The following PTK2 variants were observed in gnomAD, a reference collection of about 807,000 sequenced individuals.
The protein encoded by PTK2 is protein tyrosine kinase 2, also known as focal adhesion kinase 1.
A neutral mutation model predicts 150.1 loss-of-function variants in PTK2; 45 were observed. The observed-to-expected ratio is 0.30, with a 90% CI of 0.24 to 0.38. The LOEUF (loss-of-function observed/expected upper bound fraction) is 0.38, where lower values mean the gene tolerates loss of function less well. PTK2 is among the 10% of genes least tolerant of loss of function. PTK2 has a pLI of 1.00. For synonymous variants in PTK2, 432 were observed against 449.2 expected (o/e 0.96, Z 0.48); for missense variants, 919 against 1,307.3 (o/e 0.70, Z 4.58).
At chr8:140,727,672 T>C (rs973063714) in intron 22 of PTK2, among the ~76,000 whole-genome samples, 1 of 152,060 alleles carries the variant, frequency 6.6e-6, no homozygotes, top group Non-Finnish European at 1.5e-5. Flanking sequence ...AAGGGAAGAA[T>C]CCAAAACAGG....
intron 23 of PTK2, among the ~76,000 whole-genome samples, chr8:140,707,446 G>A (rs552221998): frequency 5.3e-4 from 80 of 152,312 alleles, no homozygotes; most frequent in African/African-American, 1.8e-3. Flanking sequence ...TGAGACTGCC[G>A]TATAGGCTGG....
chr8:140,888,406 A>T (rs898338086), intron 3 of PTK2, among the ~76,000 whole-genome samples: 1 of 152,202 alleles, frequency 6.6e-6, no homozygotes, highest in Non-Finnish European at 1.5e-5. Flanking sequence ...GGAAAGGGCT[A>T]TGGTGAATTC....
intron 17 of PTK2, among the ~76,000 whole-genome samples, chr8:140,749,516 C>T (rs2100061477): frequency 6.6e-6 from 1 of 152,140 alleles, no homozygotes; most frequent in South Asian, 2.1e-4. Flanking sequence ...TTGTTATTTA[C>T]CCATCTGGGG....
chr8:140,803,736 G>A (rs1245247283), intron 10 of PTK2, 86 bp from the exon 11 acceptor site: 2 of 1,238,806 alleles, frequency 1.6e-6, no homozygotes, highest in Non-Finnish European at 2.3e-6. Flanking sequence ...AATCCTCGTT[G>A]TCCTGAAGAC....
At chr8:140,744,001 T>G (rs2100057243) in intron 19 of PTK2, among the ~76,000 whole-genome samples, 1 of 151,714 alleles carries the variant, frequency 6.6e-6, no homozygotes, top group Admixed American at 6.6e-5. Flanking sequence ...ATGTTCTCGA[T>G]CTCCTGATCT....
At chr8:140,675,322 TA>T in intron 28 of PTK2, 137 bp downstream of exon 31, 1 of 889,688 alleles carries the variant, frequency 1.1e-6, no homozygotes, top group Non-Finnish European at 1.8e-6. Flanking sequence ...CTGAATGTGG[TA>T]AACATCGTAC....
chr8:140,759,011 C>T (rs2100067574), intron 16 of PTK2, among the ~76,000 whole-genome samples: 1 of 152,212 alleles, frequency 6.6e-6, no homozygotes, highest in South Asian at 2.1e-4. Context: ...AGCCTAGGAG[C>T]AACAGGCTAT....
chr8:140,754,174 G>A lies in PTK2; in HGVS notation c.1333-1858C>T, dbSNP rs573602486. On this transcript the variant is annotated intron_variant, in intron 16 of 31. Transcript: ENST00000522684. ...TCACCTCCAGAGGAGGCATGCCCAT[G>A]TGCCAGATGCCTCAAGGAAGGGGTT... Among the ~76,000 whole-genome samples the A allele has an allele frequency of 1.3e-4, 20 of 152,314 alleles. No homozygotes were observed. The East Asian group carries it at 3.7e-3, about 28-fold the overall frequency.
intron 5 of PTK2, among the ~76,000 whole-genome samples, chr8:140,849,495 A>T (rs2100127810): frequency 6.6e-6 from 1 of 152,246 alleles, no homozygotes; most frequent in African/African-American, 2.4e-5. Flanking sequence ...GTGAAACCAA[A>T]CTGATCAAGC....
intron 22 of PTK2, among the ~76,000 whole-genome samples, chr8:140,728,156 C>T (rs570085378): frequency 9.4e-5 from 14 of 149,656 alleles, no homozygotes; most frequent in Non-Finnish European, 1.6e-4. Flanking sequence ...CAGAAGACTG[C>T]GCCACAGCAC....
chr8:140,881,247 G>C (rs2100148886), intron 3 of PTK2, among the ~76,000 whole-genome samples: 1 of 152,206 alleles, frequency 6.6e-6, no homozygotes, highest in East Asian at 1.9e-4. Flanking sequence ...AGGGTGAAAA[G>C]AGTCCACGTT....
At chr8:140,879,698 A>AC (rs2100147959) in intron 3 of PTK2, 61 bp from the exon 4 acceptor site, 7 of 1,233,862 alleles carry the variant, frequency 5.7e-6, no homozygotes, top group Non-Finnish European at 5.3e-6. Flanking sequence ...AAAAAAAAAA[A>AC]AAACCAAAAC....
chr8:140,693,422 T>C (rs903444174), intron 26 of PTK2, among the ~76,000 whole-genome samples: 1 of 151,514 alleles, frequency 6.6e-6, no homozygotes, highest in Non-Finnish European at 1.5e-5. Context: ...CCAGGCTTGG[T>C]AGCATATGCC....
intron 1 of PTK2, among the ~76,000 whole-genome samples, chr8:140,958,904 AT>A (rs2100182131): frequency 6.6e-6 from 1 of 152,142 alleles, no homozygotes; most frequent in South Asian, 2.1e-4. Flanking sequence ...ACTTGAAATT[AT>A]TTTTTATTGT....
intron 1 of PTK2, chr8:140,940,667 A>T (rs1035980880): frequency 1.3e-5 from 2 of 152,184 alleles, no homozygotes; most frequent in African/African-American, 4.8e-5. Context: ...GTAGGCTTAA[A>T]ATAAAATTGT....
At chr8:140,683,745 A>G (rs1225879159) in intron 27 of PTK2, among the ~76,000 whole-genome samples, 3 of 148,738 alleles carry the variant, frequency 2.0e-5, no homozygotes, top group Non-Finnish European at 4.4e-5. Context: ...CAGAACTAAA[A>G]AAAACTACAG....
At chr8:140,826,310 C>T (rs766961215) in intron 8 of PTK2, among the ~76,000 whole-genome samples, 1 of 152,094 alleles carries the variant, frequency 6.6e-6, no homozygotes, top group Non-Finnish European at 1.5e-5. Context: ...AGTTGTTACC[C>T]CCATGAGCAT....
At chr8:140,829,586 C>T (rs2100114066) in intron 8 of PTK2, among the ~76,000 whole-genome samples, 1 of 152,086 alleles carries the variant, frequency 6.6e-6, no homozygotes, top group Non-Finnish European at 1.5e-5. Context: ...CCAAAGTTAG[C>T]TACATTTTCT....
chr8:140,744,806 G>T, intron 18 of PTK2, 39 bp from the exon 22 acceptor site: 1 of 869,052 alleles, frequency 1.2e-6, no homozygotes. Flanking sequence ...AAAAAAAAAA[G>T]AATTAGTGGC....
Sources: gnomAD v4.1 joint callset for allele counts (sites outside exome capture counted in the v4.1 genomes callset) on GRCh38, gnomAD v4.1.1 for gene constraint, MANE v1.5 for transcripts, NCBI Gene and HGNC (gene_info 2026-07-23, HGNC 2026-07-21) for gene names.